ERC2: variants seen among roughly 807,000 people sequenced by gnomAD.
The protein encoded by ERC2 is ERC protein 2.
A neutral mutation model predicts 114.8 loss-of-function variants in ERC2; 42 were observed. The ratio of observed to expected loss-of-function variants is 0.37; its 90% CI spans 0.29 to 0.47. ERC2 has a LOEUF of 0.47. Ranked by LOEUF, ERC2 falls within the 20% of genes least tolerant of loss-of-function variation. ERC2 has a pLI of 0.99. For missense variants in ERC2, 939 were observed against 1,150.7 expected (o/e 0.82, Z 2.66); for synonymous variants, 454 against 425.5 (o/e 1.07, Z -0.82).
chr3:56,023,774 T>TGAAGGAAGGAAG (rs58820385), intron 7 of ERC2, among the ~76,000 whole-genome samples: 5,637 of 131,816 alleles, frequency 0.043, 341 homozygotes, highest in African/African-American at 0.12. Flanking sequence ...AAAAAAGGAA[T>TGAAGGAAGGAAG]GAAGGAAGGA....
chr3:55,834,617 A>G (rs1484124489), intron 14 of ERC2, among the ~76,000 whole-genome samples: 1 of 151,466 alleles, frequency 6.6e-6, no homozygotes, highest in Admixed American at 6.6e-5. Flanking sequence ...AGCAGTGTGT[A>G]GAGGGAAATT....
At position 56,333,219 on chromosome 3, in the gene ERC2, C is replaced by G. The variant is rs547808912; in HGVS notation, c.658-36784G>C. 3.3e-5 allele frequency among the ~76,000 whole-genome samples: 5 copies of G among 152,332 alleles called. No individual in the cohort carries two copies. In the South Asian group the frequency reaches 1.0e-3, roughly 32 times the overall value. On this transcript the variant is annotated intron_variant, in intron 2 of 17. Coordinates refer to ENST00000288221, the MANE Select transcript of ERC2 (RefSeq NM_015576.3). ...GTAAACTGAAACAAGCTCCCAAGGG[C>G]AGGGTGGCCATGTGGATGAAGAACC...
rs1297877913 is a variant in ERC2, at chr3:55,952,165, ACACACACACACACACTCTCTCT to A, written c.2268-1627_2268-1606del. Reference sequence around the variant, plus strand: ...CACACACACACACACACACACACACACACACACACACACACTCTCTCTCTCTCTCTCTCTATATATATATATA... The same window carrying A: ...CACACACACACACACACACACACACACTCTCTCTCTCTATATATATATATA... On this transcript the variant is annotated intron_variant, in intron 12 of 17. Coordinates refer to ENST00000288221, the MANE Select transcript of ERC2 (RefSeq NM_015576.3). Among the ~76,000 whole-genome samples, 172 of 85,848 alleles carry A rather than the reference ACACACACACACACACTCTCTCT, an allele frequency of 2.0e-3. 2 individuals carry two copies. The highest frequency in any genetic ancestry group is 3.3e-3 in the Admixed American group (24 of 7,372). 56.3% of individuals were successfully genotyped at this position (85,848 alleles called of 152,430 possible).
At chr3:55,996,806 C>A (rs770136558) in intron 10 of ERC2, among the ~76,000 whole-genome samples, 5 of 152,104 alleles carry the variant, frequency 3.3e-5, no homozygotes, top group Non-Finnish European at 5.9e-5. Flanking sequence ...GTTATAATAA[C>A]CTAGTAGTTA....
intron 17 of ERC2, among the ~76,000 whole-genome samples, chr3:55,652,157 G>GTAA (rs2060652130): frequency 6.6e-6 from 1 of 152,138 alleles, no homozygotes; most frequent in African/African-American, 2.4e-5. Flanking sequence ...ATGTAAATAG[G>GTAA]ACACATCTGC....
chr3:55,550,160 C>T (rs1489300206), intron 17 of ERC2, among the ~76,000 whole-genome samples: 1 of 151,962 alleles, frequency 6.6e-6, no homozygotes, highest in East Asian at 1.9e-4. Flanking sequence ...ATACTTGCCT[C>T]ATTCCCTCCC....
chr3:56,190,924 T>A (rs913651535), intron 3 of ERC2, among the ~76,000 whole-genome samples: 22 of 152,188 alleles, frequency 1.4e-4, no homozygotes, highest in East Asian at 7.7e-4. Context: ...AGTGAAAAGA[T>A]AACATCCTCA....
chr3:56,042,406 A>ACATAGG (rs2075242320), intron 7 of ERC2, among the ~76,000 whole-genome samples: 1 of 152,218 alleles, frequency 6.6e-6, no homozygotes, highest in South Asian at 2.1e-4. Context: ...TGGGGCTGGC[A>ACATAGG]CATAGGAGGT....
intron 4 of ERC2, among the ~76,000 whole-genome samples, chr3:56,151,892 G>A (rs1043311842): frequency 7.9e-5 from 12 of 152,192 alleles, no homozygotes; most frequent in African/African-American, 2.9e-4. Flanking sequence ...TGGAGTTTCA[G>A]AAAGTAAAGC....
intron 5 of ERC2, among the ~76,000 whole-genome samples, chr3:56,142,844 T>C (rs2080938421): frequency 6.6e-6 from 1 of 152,028 alleles, no homozygotes; most frequent in Non-Finnish European, 1.5e-5. Flanking sequence ...TAGTTTTTTT[T>C]TTTTGGAACT....
chr3:55,678,982 G>C (rs1379520622), intron 17 of ERC2, among the ~76,000 whole-genome samples: 1 of 152,088 alleles, frequency 6.6e-6, no homozygotes, highest in African/African-American at 2.4e-5. Flanking sequence ...ACAGATCATG[G>C]AACAGCCTCT....
At chr3:55,676,824 T>C (rs1381579777) in intron 17 of ERC2, among the ~76,000 whole-genome samples, 4 of 152,060 alleles carry the variant, frequency 2.6e-5, no homozygotes, top group Admixed American at 2.6e-4. Context: ...ACAGGAAGGA[T>C]GTAATGTAAT....
intron 17 of ERC2, among the ~76,000 whole-genome samples, chr3:55,653,288 C>A (rs1257791507): frequency 2.0e-5 from 3 of 152,010 alleles, no homozygotes; most frequent in African/African-American, 7.3e-5. Flanking sequence ...TTCCATAGTT[C>A]ACTTTAATTC....
intron 2 of ERC2, among the ~76,000 whole-genome samples, chr3:56,383,107 C>A (rs1168466130): frequency 6.6e-6 from 1 of 152,088 alleles, no homozygotes; most frequent in African/African-American, 2.4e-5. Flanking sequence ...GACCACTTCT[C>A]ACCACCTGCA....
At chr3:55,991,297 C>T (rs1192441753) in intron 11 of ERC2, among the ~76,000 whole-genome samples, 4 of 152,186 alleles carry the variant, frequency 2.6e-5, no homozygotes, top group Non-Finnish European at 5.9e-5. Context: ...TGCCTTACTG[C>T]TGAACCAATA....
chr3:56,196,303 T>G (rs2048100188), intron 3 of ERC2, among the ~76,000 whole-genome samples: 1 of 152,132 alleles, frequency 6.6e-6, no homozygotes, highest in Admixed American at 6.5e-5. Context: ...ACAGAGATCT[T>G]GATTAAACAT....
At chr3:56,055,476 G>T (rs1426350979) in intron 7 of ERC2, among the ~76,000 whole-genome samples, 1 of 152,038 alleles carries the variant, frequency 6.6e-6, no homozygotes, top group East Asian at 1.9e-4. Flanking sequence ...AAATTTTATT[G>T]TAATCCATGG....
At chr3:55,762,298 T>C (rs2067497821) in intron 14 of ERC2, among the ~76,000 whole-genome samples, 1 of 152,148 alleles carries the variant, frequency 6.6e-6, no homozygotes, top group African/African-American at 2.4e-5. Context: ...TTTCTTTCAT[T>C]TGGACAAATA....
chr3:56,230,182 A>G (rs913916171), intron 3 of ERC2, among the ~76,000 whole-genome samples: 1 of 151,880 alleles, frequency 6.6e-6, no homozygotes, highest in Non-Finnish European at 1.5e-5. Flanking sequence ...CCAGTCTTAC[A>G]ATGATGTTCG....
Sources: allele counts gnomAD v4.1 joint callset (sites outside exome capture counted in the v4.1 genomes callset), GRCh38; gene constraint gnomAD v4.1.1; transcripts MANE v1.5; gene names NCBI Gene and HGNC (gene_info 2026-07-23, HGNC 2026-07-21).